MCF2L2: variants seen among roughly 807,000 people sequenced by gnomAD.
MCF2L2 encodes the protein probable guanine nucleotide exchange factor MCF2L2.
MCF2L2 carries 102 observed loss-of-function variants against 150.2 expected under a neutral mutation model. The observed-to-expected ratio is 0.68, with a 90% CI of 0.58 to 0.80. The LOEUF (loss-of-function observed/expected upper bound fraction) is 0.80, where lower values mean the gene tolerates loss of function less well. Among genes scored for constraint, MCF2L2 ranks in the 30% least tolerant of loss-of-function variants. The pLI is 0.00. For synonymous variants in MCF2L2, 465 were observed against 491.3 expected, an observed-to-expected ratio of 0.95 and a Z score of 0.71; for missense variants, 1,256 against 1,372.8, an observed-to-expected ratio of 0.91 and a Z score of 1.34.
At chr3:183,390,944 T>A (rs1479024481) in intron 1 of MCF2L2, among the ~76,000 whole-genome samples, 2 of 152,136 alleles carry the variant, frequency 1.3e-5, no homozygotes, top group Non-Finnish European at 2.9e-5. Flanking sequence ...ATGAATGAAC[T>A]GGTTATTGTT....
Position 183,323,158 on chromosome 3 carries a change from T to G in MCF2L2, c.603+77A>C, listed in dbSNP as rs561221705. On this transcript the variant is annotated intron_variant, in intron 6 of 29. Transcript: ENST00000328913. ...CAGTCACAGGGTGACCTCCTGGCAG[T>G]TGATCTTTAACTCCCCCACCCCATC... 6.8e-6 allele frequency: 7 copies of G among 1,033,742 alleles called. No homozygotes were observed. The African/African-American group carries it at 9.6e-5, about 14-fold the overall frequency. 64.0% of individuals were successfully genotyped at this position (1,033,742 alleles called of 1,614,324 possible).
At chr3:183,348,917 G>C (rs141680146) in intron 3 of MCF2L2, among the ~76,000 whole-genome samples, 1 of 152,270 alleles carries the variant, frequency 6.6e-6, no homozygotes, top group East Asian at 1.9e-4. Context: ...CACAAAGTTT[G>C]AGATTCTAGT....
intron 25 of MCF2L2, among the ~76,000 whole-genome samples, chr3:183,195,988 C>A (rs966973166): frequency 2.6e-5 from 4 of 152,168 alleles, no homozygotes; most frequent in African/African-American, 9.7e-5. Context: ...TTCCCACCCA[C>A]CCTGCTGCCT....
chr3:183,419,367 T>C (rs1436062043), intron 1 of MCF2L2, among the ~76,000 whole-genome samples: 1 of 152,228 alleles, frequency 6.6e-6, no homozygotes, highest in Non-Finnish European at 1.5e-5. Context: ...TTATCTTGGC[T>C]ATTAACATTC....
intron 15 of MCF2L2, among the ~76,000 whole-genome samples, chr3:183,257,736 G>A (rs539978654): frequency 8.5e-5 from 13 of 152,258 alleles, no homozygotes; most frequent in Admixed American, 5.2e-4. Flanking sequence ...GGGTTATATC[G>A]TCATCCTGTT....
At chr3:183,195,937 C>A (rs9820798) in intron 25 of MCF2L2, among the ~76,000 whole-genome samples, 3,665 of 152,322 alleles carry the variant, frequency 0.024, 133 homozygotes, top group African/African-American at 0.083. Flanking sequence ...TAGGATGGGA[C>A]CGTGGCCTTG....
intron 15 of MCF2L2, among the ~76,000 whole-genome samples, chr3:183,242,567 G>C (rs1724077337): frequency 6.6e-6 from 1 of 152,226 alleles, no homozygotes; most frequent in Non-Finnish European, 1.5e-5. Flanking sequence ...GGGCCTGTGG[G>C]TTCACAGAAG....
At chr3:183,386,383 C>T (rs556794061) in intron 2 of MCF2L2, among the ~76,000 whole-genome samples, 68 of 152,308 alleles carry the variant, frequency 4.5e-4, no homozygotes, top group African/African-American at 1.6e-3. Flanking sequence ...ATCCAATTCC[C>T]GCTGGTGGCC....
chr3:183,268,163 G>A (rs6795339), intron 15 of MCF2L2, among the ~76,000 whole-genome samples: 1 of 152,212 alleles, frequency 6.6e-6, no homozygotes, highest in Non-Finnish European at 1.5e-5. Context: ...AAAGACCAGG[G>A]CATATGAAAT....
intron 27 of MCF2L2, among the ~76,000 whole-genome samples, chr3:183,189,618 ATACT>A (rs55743096): frequency 0.099 from 15,061 of 152,112 alleles, 922 homozygotes; most frequent in Admixed American, 0.17. Flanking sequence ...AGCAGTTACC[ATACT>A]GGAAGGAGAA....
intron 27 of MCF2L2, among the ~76,000 whole-genome samples, chr3:183,188,012 G>A (rs114079765): frequency 6.6e-6 from 1 of 152,284 alleles, no homozygotes; most frequent in African/African-American, 2.4e-5. Flanking sequence ...TAGGGCTGCT[G>A]CTTAACAAAG....
At position 183,282,328 on chromosome 3, in the gene MCF2L2, G is replaced by A. The variant is rs893889623; in HGVS notation, c.1777-5371C>T. Among the ~76,000 whole-genome samples, 239 of 151,192 alleles carry A rather than the reference G, an allele frequency of 1.6e-3. 2 individuals carry two copies. The highest frequency in any genetic ancestry group is 3.4e-3 in the African/African-American group (139 of 41,262). ...CGAGTAGCTGGGACTACAGGCACCC[G>A]CCACCACGCCCAGCTAATTTTTTGT... On this transcript the variant is annotated intron_variant, in intron 14 of 29. Transcript: ENST00000328913.
At chr3:183,192,786 C>A (rs1408983127) in intron 27 of MCF2L2, 1 of 477,888 alleles carries the variant, frequency 2.1e-6, no homozygotes, top group South Asian at 4.2e-5. Flanking sequence ...CAATGTGAGA[C>A]ATTTGCCCTT....
At chr3:183,230,852 A>C in intron 16 of MCF2L2, 99 bp downstream of exon 16, 2 of 837,594 alleles carry the variant, frequency 2.4e-6, no homozygotes, top group Non-Finnish European at 1.9e-6. Flanking sequence ...CTTGGTGGGA[A>C]TTCTGGAGAC....
chr3:183,183,586 C>T lies in MCF2L2; in HGVS notation c.3017-3427G>A, dbSNP rs530692480. ...ACTAGCTGTGTGATCTTGGATACAT[C>T]ACTTAACCTCTTGAGCATCAGCTTC... On this transcript the variant is annotated intron_variant, in intron 27 of 29. Transcript: ENST00000328913. Among the ~76,000 whole-genome samples the T allele has an allele frequency of 2.2e-3, 335 of 152,320 alleles. 2 individuals are homozygous for T. Among genetic ancestry groups the T allele is most frequent in the Non-Finnish European group, 1.8e-3 (120 of 68,026 alleles).
intron 2 of MCF2L2, among the ~76,000 whole-genome samples, chr3:183,380,117 T>G (rs560390964): frequency 1.3e-5 from 2 of 152,298 alleles, no homozygotes; most frequent in African/African-American, 4.8e-5. Flanking sequence ...ATTTAAGATA[T>G]CCCTGTGAAA....
At chr3:183,300,846 G>A (rs192685438) in intron 10 of MCF2L2, among the ~76,000 whole-genome samples, 49 of 151,738 alleles carry the variant, frequency 3.2e-4, no homozygotes, top group African/African-American at 8.7e-4. Flanking sequence ...GAAAAACCCC[G>A]TCTCTACTAA....
intron 1 of MCF2L2, chr3:183,400,618 GC>G: frequency 5.6e-6 from 2 of 360,276 alleles, no homozygotes; most frequent in South Asian, 2.1e-5. Flanking sequence ...TCATTTCGTG[GC>G]CGAGAGTTGA....
intron 12 of MCF2L2, 42 bp downstream of exon 12, chr3:183,296,934 C>G: frequency 6.3e-7 from 1 of 1,585,328 alleles, no homozygotes; most frequent in Admixed American, 1.7e-5. Context: ...CCTCCCCTAT[C>G]CGTTTCCCAA....
Sources: gnomAD v4.1 joint callset for allele counts (sites outside exome capture counted in the v4.1 genomes callset) on GRCh38, gnomAD v4.1.1 for gene constraint, MANE v1.5 for transcripts, NCBI Gene and HGNC (gene_info 2026-07-23, HGNC 2026-07-21) for gene names.